Variants in PPM1K observed in about 807,000 individuals in gnomAD.
PPM1K encodes the protein protein phosphatase Mn(2+)-dependent 1K.
A neutral mutation model predicts 32.6 loss-of-function variants in PPM1K; 19 were observed. The ratio of observed to expected loss-of-function variants is 0.58; its 90% CI spans 0.41 to 0.86. The LOEUF (loss-of-function observed/expected upper bound fraction) is 0.86, where lower values mean the gene tolerates loss of function less well. PPM1K is among the 40% of genes least tolerant of loss of function. The pLI is 0.00. For missense variants in PPM1K, 362 were observed against 461.2 expected (o/e 0.78, Z 1.97); for synonymous variants, 159 against 165.3 (o/e 0.96, Z 0.29).
At chr4:88,276,182 A>C (rs1412860698) in intron 3 of PPM1K, 22 of 985,332 alleles carry the variant, frequency 2.2e-5, no homozygotes, top group Non-Finnish European at 2.5e-5. Context: ...TCTAATCTTC[A>C]GTTCCTTCGC....
chr4:88,273,982 C>G lies in PPM1K; in HGVS notation c.541+3161G>C, dbSNP rs570927510. On this transcript the variant is annotated intron_variant, in intron 3 of 6. Transcript: ENST00000608933. ...GCCTCCTCAAGTTCATCCATAAAGC[C>G]TCCTGCACTTCACCATGGACTAGAA... 2.0e-5 allele frequency among the ~76,000 whole-genome samples: 3 copies of G among 152,292 alleles called. No individual in the cohort carries two copies. The East Asian group carries it at 5.8e-4, about 29-fold the overall frequency.
At chr4:88,274,802 T>A (rs1731697148) in intron 3 of PPM1K, 1 of 155,882 alleles carries the variant, frequency 6.4e-6, no homozygotes. Context: ...ATGTATTTGA[T>A]AAAATAGGCC....
chr4:88,263,001 G>C (rs1731181213), intron 6 of PPM1K, among the ~76,000 whole-genome samples: 1 of 152,198 alleles, frequency 6.6e-6, no homozygotes, highest in Admixed American at 6.5e-5. Context: ...AGAAACACCA[G>C]TGGACTAAGG....
chr4:88,281,491 G>A (rs1732002463), intron 1 of PPM1K, among the ~76,000 whole-genome samples: 1 of 152,106 alleles, frequency 6.6e-6, no homozygotes, highest in Non-Finnish European at 1.5e-5. Context: ...CTAAAAACCT[G>A]CGTATTTTAA....
In PPM1K at chr4:88,258,850, C is replaced by G. The variant is rs7661222; in HGVS notation, c.*3745G>C. The G allele has an allele frequency of 6.6e-6, 1 of 151,744 alleles. No homozygotes were observed. Among genetic ancestry groups the G allele is most frequent in the Admixed American group, 6.6e-5 (1 of 15,242 alleles). 9.4% of individuals were successfully genotyped at this position (151,744 alleles called of 1,614,324 possible). A position where few individuals can be genotyped will look rare whatever the true frequency, so the allele number is the denominator to read the frequency against. Reference sequence around the variant, plus strand: ...CTGTAATCCCAGCACTTTGGGAGGCCGAGGTGGGTGGATCACTTGAGGTCA... The same window carrying G: ...CTGTAATCCCAGCACTTTGGGAGGCGGAGGTGGGTGGATCACTTGAGGTCA... On this transcript the variant is annotated 3_prime_UTR_variant, in exon 7 of 7. Coordinates refer to ENST00000608933, the MANE Select transcript of PPM1K (RefSeq NM_152542.5).
In PPM1K at chr4:88,268,242, A is replaced by C; in HGVS notation, c.800T>G (p.Leu267Trp). ...RLAMTRSIGDLDLKTSGVIAE... is the reference protein window; with the variant it reads ...RLAMTRSIGDWDLKTSGVIAE... ...TATGACACCACTGGTCTTAAGGTCC[A>C]AATCTCCAATACTTCTTGTCATTGC... Residue 267 changes from leucine (L) to tryptophan (W), a missense_variant, in exon 5 of 7, where the codon TTG becomes TGG. Physicochemically the swap from Leu to Trp is moderately conservative, Grantham distance 61 (BLOSUM62 -2). Coordinates refer to ENST00000608933, the MANE Select transcript of PPM1K (RefSeq NM_152542.5). 6.2e-7 allele frequency: 1 copy of C among 1,614,146 alleles called. No homozygotes were observed. Among genetic ancestry groups the C allele is most frequent in the East Asian group, 2.2e-5 (1 of 44,886 alleles).
At chr4:88,270,091 A>G (rs1435133533) in intron 3 of PPM1K, among the ~76,000 whole-genome samples, 1 of 152,238 alleles carries the variant, frequency 6.6e-6, no homozygotes, top group East Asian at 1.9e-4. Flanking sequence ...AGGTACATTT[A>G]GGAAAAACGA....
At chr4:88,264,958 C>T (rs763033637) in intron 6 of PPM1K, 43 bp downstream of exon 6, 4 of 1,605,724 alleles carry the variant, frequency 2.5e-6, no homozygotes, top group Non-Finnish European at 3.4e-6. Flanking sequence ...CTGTCCTTTC[C>T]TTCCTTCTCC....
chr4:88,283,043 GAC>G (rs146112145), intron 1 of PPM1K, among the ~76,000 whole-genome samples: 2 of 152,094 alleles, frequency 1.3e-5, no homozygotes, highest in Admixed American at 6.6e-5. Flanking sequence ...TATTTTATCA[GAC>G]ACACACACAC....
At chr4:88,277,038 G>T in intron 3 of PPM1K, 105 bp downstream of exon 3, 1 of 869,594 alleles carries the variant, frequency 1.1e-6, no homozygotes, top group Non-Finnish European at 1.8e-6. Flanking sequence ...ACAAACAATT[G>T]TCCATTAAAA....
rs180989452 is a variant in PPM1K at position 88,275,216 on chromosome 4, A to G, written c.541+1927T>C. 1.5e-4 allele frequency: 94 copies of G among 616,622 alleles called. 1 individual carries two copies. The African/African-American group carries it at 1.7e-3, about 11-fold the overall frequency. The allele number at this position is 616,622 out of a possible 1,614,324, so 38.2% of individuals were successfully genotyped here. On this transcript the variant is annotated intron_variant, in intron 3 of 6. Transcript: ENST00000608933. ...TTTTAGTAAGAATAAAAAATATGGAACTCTTCATGCATTTGTGTGCCATCC... is the reference window on the plus strand; with the variant it reads ...TTTTAGTAAGAATAAAAAATATGGAGCTCTTCATGCATTTGTGTGCCATCC...
intron 3 of PPM1K, chr4:88,275,482 T>C: frequency 1.0e-6 from 1 of 985,444 alleles, no homozygotes; most frequent in Middle Eastern, 5.2e-4. Flanking sequence ...ATATTTTACA[T>C]CAAGTCAATC....
intron 2 of PPM1K, 95 bp from the exon 3 acceptor site, chr4:88,277,338 G>C: frequency 1.2e-6 from 1 of 806,634 alleles, no homozygotes; most frequent in Non-Finnish European, 2.1e-6. Flanking sequence ...CCACACAACG[G>C]GCCTCAGGAT....
intron 1 of PPM1K, 186 bp downstream of exon 1, chr4:88,284,220 C>G (rs1732145223): frequency 6.6e-6 from 1 of 152,256 alleles, no homozygotes; most frequent in African/African-American, 2.4e-5. Context: ...AAGAAAGCGA[C>G]GCTCTGAGAA....
At position 88,268,174 on chromosome 4, in the gene PPM1K, G is replaced by A. The variant is rs1731409956; in HGVS notation, c.852+16C>T. On this transcript the variant is annotated intron_variant, in intron 5 of 6. Transcript: ENST00000608933. The stretch of plus-strand genomic sequence containing the variant: ...CTCTCCGCAGGTTTATCAAGTGTTT[G>A]CAGGTCCTTTCTTACCTTAATCCTC... 6.2e-7 allele frequency: 1 copy of A among 1,613,290 alleles called. No homozygotes were observed. The highest frequency in any genetic ancestry group is 1.3e-5 in the African/African-American group (1 of 74,856).
chr4:88,266,312 G>A (rs1731301012), intron 5 of PPM1K, among the ~76,000 whole-genome samples: 1 of 152,250 alleles, frequency 6.6e-6, no homozygotes, highest in Non-Finnish European at 1.5e-5. Flanking sequence ...GGATGCCACA[G>A]AAGTAGAGGT....
chr4:88,276,241 T>C, intron 3 of PPM1K: 2 of 985,434 alleles, frequency 2.0e-6, no homozygotes, highest in Middle Eastern at 5.2e-4. Flanking sequence ...CTGAAGACTG[T>C]GCAAATGACA....
rs567547703 is a variant in PPM1K at position 88,257,775 on chromosome 4, T to C, written c.*4820A>G. 1 of 152,358 alleles carries C rather than the reference T, an allele frequency of 6.6e-6. No homozygotes were observed. The highest frequency in any genetic ancestry group is 2.1e-4 in the South Asian group (1 of 4,828). The allele number at this position is 152,358 out of a possible 1,614,324, so 9.4% of individuals were successfully genotyped here. A position where few individuals can be genotyped will look rare whatever the true frequency, so the allele number is the denominator to read the frequency against. ...CAGGAGTCATTATACACTCAGGTAG[T>C]ACTTTGGTAAATTACAAAACAAATG... On this transcript the variant is annotated 3_prime_UTR_variant, in exon 7 of 7. Transcript: ENST00000608933.
chr4:88,275,469 G>C lies in PPM1K; in HGVS notation c.541+1674C>G, dbSNP rs1260787658. 5.1e-6 allele frequency: 5 copies of C among 985,152 alleles called. No homozygotes were observed. The African/African-American group carries it at 8.7e-5, about 17-fold the overall frequency. The allele number at this position is 985,152 out of a possible 1,614,324, so 61.0% of individuals were successfully genotyped here. A position where few individuals can be genotyped will look rare whatever the true frequency, so the allele number is the denominator to read the frequency against. On this transcript the variant is annotated intron_variant, in intron 3 of 6. Coordinates refer to ENST00000608933, the MANE Select transcript of PPM1K (RefSeq NM_152542.5). ...TTCATTCAATAATAAAAGGAGTCCT[G>C]TCATATTTTACATCAAGTCAATCAC...
Sources: allele counts gnomAD v4.1 joint callset (sites outside exome capture counted in the v4.1 genomes callset), GRCh38; gene constraint gnomAD v4.1.1; transcripts MANE v1.5; gene names NCBI Gene and HGNC (gene_info 2026-07-23, HGNC 2026-07-21).